Variants in GALNT9 observed in about 807,000 individuals in gnomAD.
GALNT9 encodes GalNAc transferase 9.
GALNT9 carries 47 observed loss-of-function variants against 63.1 expected under a neutral mutation model. That is an observed-to-expected ratio of 0.75 (90% confidence interval 0.59 to 0.95). The LOEUF (loss-of-function observed/expected upper bound fraction) is 0.95, where lower values mean the gene tolerates loss of function less well. Ranked by LOEUF, GALNT9 falls within the 40% of genes least tolerant of loss-of-function variation. GALNT9 has a pLI of 0.00. For synonymous variants in GALNT9, 396 were observed against 365.7 expected (o/e 1.08, Z -0.94); for missense variants, 829 against 874.8 (o/e 0.95, Z 0.66).
chr12:132,240,962 C>T (rs1878287256), intron 6 of GALNT9, among the ~76,000 whole-genome samples: 1 of 145,632 alleles, frequency 6.9e-6, no homozygotes, highest in African/African-American at 2.6e-5. Flanking sequence ...CGGGGCCCTC[C>T]CTATACCCAT....
chr12:132,227,032 A>ACACACC (rs1332573084), intron 6 of GALNT9, among the ~76,000 whole-genome samples: 4 of 149,734 alleles, frequency 2.7e-5, no homozygotes, highest in African/African-American at 7.4e-5. Context: ...CCATACACAC[A>ACACACC]CACACCCACA....
chr12:132,259,345 G>A (rs1039017715), intron 4 of GALNT9, among the ~76,000 whole-genome samples: 3 of 152,278 alleles, frequency 2.0e-5, no homozygotes, highest in African/African-American at 7.2e-5. Context: ...CTAAAAGGCT[G>A]CCGGTGTAGT....
intron 1 of GALNT9, among the ~76,000 whole-genome samples, chr12:132,322,847 T>C (rs1868866722): frequency 6.6e-6 from 1 of 152,208 alleles, no homozygotes; most frequent in Non-Finnish European, 1.5e-5. Context: ...TTCCTGTGAA[T>C]GGCAGCTAGA....
intron 6 of GALNT9, among the ~76,000 whole-genome samples, chr12:132,243,422 C>G (rs978667074): frequency 6.6e-6 from 1 of 151,080 alleles, no homozygotes; most frequent in African/African-American, 2.5e-5. Context: ...CAGTCCTCCT[C>G]GTCTTCCGGA....
chr12:132,222,389 G>C (rs1456399577), intron 6 of GALNT9, among the ~76,000 whole-genome samples: 55 of 152,048 alleles, frequency 3.6e-4, no homozygotes, highest in South Asian at 2.1e-4. Flanking sequence ...GCCAGCCTGG[G>C]CAACATGGTG....
intron 1 of GALNT9, among the ~76,000 whole-genome samples, chr12:132,321,402 C>T (rs534952242): frequency 9.2e-5 from 14 of 152,272 alleles, no homozygotes; most frequent in African/African-American, 2.4e-4. Flanking sequence ...GCTAGTGAGA[C>T]GGGCACCACC....
chr12:132,252,143 C>G lies in GALNT9; in HGVS notation c.960-4116G>C, dbSNP rs1878938839. Among the ~76,000 whole-genome samples, 1 of 152,218 alleles carries G rather than the reference C, an allele frequency of 6.6e-6. No individual in the cohort carries two copies. Among genetic ancestry groups the G allele is most frequent in the South Asian group, 2.1e-4 (1 of 4,822 alleles). Reference sequence around the variant, plus strand: ...GTGGAGGCCAACAGGGCAGCCACCTCCACAGGCCCAGGCAGTGAGGCCACA... The same window carrying G: ...GTGGAGGCCAACAGGGCAGCCACCTGCACAGGCCCAGGCAGTGAGGCCACA... On this transcript the variant is annotated intron_variant, in intron 5 of 10. Coordinates refer to ENST00000328957, the MANE Select transcript of GALNT9 (RefSeq NM_001122636.2). This position sits in a 1 kb window ranked among gnomAD's most constrained non-coding sequence, Gnocchi z 5.2.
At chr12:132,304,467 GCCCGGGCACACGCTCA>G (rs1881479574) in intron 1 of GALNT9, among the ~76,000 whole-genome samples, 1 of 24,532 alleles carries the variant, frequency 4.1e-5, no homozygotes, top group Non-Finnish European at 7.0e-5. Context: ...GCACAGCCTC[GCCCGGGCACACGCTCA>G]CCCAGACACA....
At chr12:132,205,912 G>A (rs910330915) in intron 6 of GALNT9, 3 of 152,062 alleles carry the variant, frequency 2.0e-5, no homozygotes, top group East Asian at 1.9e-4. Flanking sequence ...TGAGAAGGAG[G>A]GGGGAAGCAC....
Position 132,196,462 on chromosome 12 carries a change from C to CG in GALNT9, c.*644dup, listed in dbSNP as rs1195644586. 2.0e-6 allele frequency: 2 copies of CG among 985,428 alleles called. No homozygotes were observed. Among genetic ancestry groups the CG allele is most frequent in the Non-Finnish European group, 2.4e-6 (2 of 830,026 alleles). 61.0% of individuals were successfully genotyped at this position (985,428 alleles called of 1,614,324 possible). ...CAGGTGCCTGGGAAAGAGGTGGGAC[C>CG]GGGCCCCAACCCCCAGCTCGGCTCC... On this transcript the variant is annotated 3_prime_UTR_variant, in exon 11 of 11. Transcript: ENST00000328957.
chr12:132,211,981 TGCA>T (rs761187052), intron 6 of GALNT9, among the ~76,000 whole-genome samples: 5 of 152,218 alleles, frequency 3.3e-5, no homozygotes, highest in Non-Finnish European at 5.9e-5. Context: ...GGACCATGTC[TGCA>T]GCTGTGAGTG....
At chr12:132,249,782 C>T (rs553879276) in intron 5 of GALNT9, among the ~76,000 whole-genome samples, 3 of 152,166 alleles carry the variant, frequency 2.0e-5, no homozygotes, top group African/African-American at 4.8e-5. Context: ...ATTGACTTGC[C>T]GGAGAGATGC....
At position 132,315,323 on chromosome 12, in the gene GALNT9, C is replaced by A. The variant is rs1298914171; in HGVS notation, c.238+13643G>T. ...ATAATCAGGGCGGCCTCCCCCGTGT[C>A]CACTGCAAAGTGCTGGAGCCTCAGA... On this transcript the variant is annotated intron_variant, in intron 1 of 10. Coordinates refer to ENST00000328957, the MANE Select transcript of GALNT9 (RefSeq NM_001122636.2). This position sits in a 1 kb window ranked among gnomAD's most constrained non-coding sequence, Gnocchi z 6.1. Among the ~76,000 whole-genome samples, 1 of 151,232 alleles carries A rather than the reference C, an allele frequency of 6.6e-6. No individual in the cohort carries two copies. The highest frequency in any genetic ancestry group is 1.5e-5 in the Non-Finnish European group (1 of 67,860).
At chr12:132,295,595 C>T (rs1881026794) in intron 1 of GALNT9, among the ~76,000 whole-genome samples, 1 of 152,172 alleles carries the variant, frequency 6.6e-6, no homozygotes, top group Non-Finnish European at 1.5e-5. Context: ...AGGCAGAGAC[C>T]GGAATGATGT....
chr12:132,267,759 A>ACACACT lies in GALNT9; in HGVS notation c.420-5135_420-5134insAGTGTG, dbSNP rs1566006016. 3.0e-5 allele frequency among the ~76,000 whole-genome samples: 4 copies of ACACACT among 131,948 alleles called. 1 individual carries two copies. Among genetic ancestry groups the ACACACT allele is most frequent in the African/African-American group, 1.6e-4 (4 of 24,374 alleles). 86.6% of individuals were successfully genotyped at this position (131,948 alleles called of 152,430 possible). A position where few individuals can be genotyped will look rare whatever the true frequency, so the allele number is the denominator to read the frequency against. ...GAAATACACAAGCACACACACTCAC[A>ACACACT]CACACATGCACTCACACACACGCAC... On this transcript the variant is annotated intron_variant, in intron 2 of 10. Transcript: ENST00000328957.
chr12:132,198,005 CT>C lies in GALNT9; in HGVS notation c.1498-47del, dbSNP rs1875659232. ...ACTGTGTGTGAGCAGCGCCCAGGCT[CT>C]CCCCAGTGAGCACTGACAGGCCGTG... is the stretch of plus-strand genomic sequence containing the variant. On this transcript the variant is annotated intron_variant, in intron 9 of 10. Transcript: ENST00000328957. 4 of 1,521,882 alleles carry C rather than the reference CT, an allele frequency of 2.6e-6. No homozygotes were observed. The African/African-American group carries it at 5.5e-5, about 21-fold the overall frequency. The allele number at this position is 1,521,882 out of a possible 1,614,324, so 94.3% of individuals were successfully genotyped here. A position where few individuals can be genotyped will look rare whatever the true frequency, so the allele number is the denominator to read the frequency against.
At chr12:132,222,612 C>T (rs896089239) in intron 6 of GALNT9, among the ~76,000 whole-genome samples, 2 of 151,938 alleles carry the variant, frequency 1.3e-5, no homozygotes, top group African/African-American at 2.4e-5. Context: ...ATGCAGCCGA[C>T]GATGCGTGGA....
intron 5 of GALNT9, among the ~76,000 whole-genome samples, chr12:132,256,091 T>C (rs1192451042): frequency 6.6e-6 from 1 of 152,204 alleles, no homozygotes; most frequent in Non-Finnish European, 1.5e-5. Context: ...TTATATAAAA[T>C]GAAATGCATC....
intron 2 of GALNT9, chr12:132,283,424 G>A (rs1210465222): frequency 2.0e-5 from 3 of 152,408 alleles, no homozygotes; most frequent in Non-Finnish European, 2.9e-5. Flanking sequence ...GTTGCTGTGA[G>A]CAGGAAAGGG....
Sources: allele counts gnomAD v4.1 joint callset (sites outside exome capture counted in the v4.1 genomes callset), GRCh38; gene constraint gnomAD v4.1.1; non-coding constraint Gnocchi (gnomAD v3.1); transcripts MANE v1.5; gene names NCBI Gene and HGNC (gene_info 2026-07-23, HGNC 2026-07-21).